OPRK1: variants seen among roughly 807,000 people sequenced by gnomAD.
OPRK1 encodes the protein kappa-type opioid receptor.
In OPRK1, 15 loss-of-function variants were observed where a neutral mutation model predicts 24.5. That is an observed-to-expected ratio of 0.61 (90% confidence interval 0.41 to 0.94). The LOEUF (loss-of-function observed/expected upper bound fraction) is 0.94, where lower values mean the gene tolerates loss of function less well. Ranked by LOEUF, OPRK1 falls within the 40% of genes least tolerant of loss-of-function variation. The pLI is 0.00. For synonymous variants in OPRK1, 205 were observed against 198.0 expected (o/e 1.04, Z -0.30); for missense variants, 479 against 507.3 (o/e 0.94, Z 0.54).
At chr8:53,245,838 T>C (rs538356273) in intron 2 of OPRK1, among the ~76,000 whole-genome samples, 4 of 152,254 alleles carry the variant, frequency 2.6e-5, no homozygotes, top group Admixed American at 6.5e-5. Flanking sequence ...GACCATCCTA[T>C]GTAATCTGAA....
chr8:53,240,605 A>G (rs973708031), intron 2 of OPRK1, among the ~76,000 whole-genome samples: 1 of 152,124 alleles, frequency 6.6e-6, no homozygotes, highest in Non-Finnish European at 1.5e-5. Flanking sequence ...TTTTCTCTGT[A>G]TTGCCAACAA....
At chr8:53,233,824 C>T (rs1404093394) in intron 3 of OPRK1, among the ~76,000 whole-genome samples, 2 of 152,112 alleles carry the variant, frequency 1.3e-5, no homozygotes, top group Admixed American at 6.5e-5. Flanking sequence ...GGGATGCAGG[C>T]AGCAGTGTTT....
intron 2 of OPRK1, among the ~76,000 whole-genome samples, chr8:53,239,018 T>C (rs1420206265): frequency 6.6e-6 from 1 of 152,146 alleles, no homozygotes; most frequent in African/African-American, 2.4e-5. Flanking sequence ...TTCATGACAA[T>C]AGTATAATAA....
chr8:53,234,644 C>T (rs1563327604), intron 3 of OPRK1, 115 bp downstream of exon 3: 1 of 865,572 alleles, frequency 1.2e-6, no homozygotes, highest in Non-Finnish European at 1.8e-6. Context: ...CACTACATTT[C>T]CGTCGTCTTT....
rs927116596 is a variant in OPRK1, at chr8:53,229,825, G to A, written c.615C>T (p.Val205=). 2.4e-5 allele frequency: 37 copies of A among 1,550,650 alleles called. No homozygotes were observed. Among genetic ancestry groups the A allele is most frequent in the Non-Finnish European group, 4.4e-6 (5 of 1,149,402 alleles). Residue 205 remains valine, a synonymous_variant, in exon 4 of 4, where the codon GTC becomes GTT. Transcript: ENST00000265572. ...VLGGTKVRED[V]DVIECSLQFP... Reference sequence around the variant, plus strand: ...ACTGCAAGGAGCACTCAATGACATCGACGTCTGGAGGAGGGCAATAAAAAC... The same window carrying A: ...ACTGCAAGGAGCACTCAATGACATCAACGTCTGGAGGAGGGCAATAAAAAC...
intron 2 of OPRK1, 61 bp from the exon 3 acceptor site, chr8:53,235,172 G>T: frequency 7.0e-7 from 1 of 1,422,370 alleles, no homozygotes; most frequent in Non-Finnish European, 9.7e-7. Flanking sequence ...TAAGGTGAAT[G>T]TGTTTGTGAT....
At chr8:53,241,180 A>T (rs181605584) in intron 2 of OPRK1, among the ~76,000 whole-genome samples, 11 of 152,278 alleles carry the variant, frequency 7.2e-5, no homozygotes, top group African/African-American at 2.6e-4. Context: ...TGAAGTTAAA[A>T]CTGCTTTTTT....
chr8:53,229,692 T>G lies in OPRK1; in HGVS notation c.748A>C (p.Ile250Leu). 6.2e-7 allele frequency: 1 copy of G among 1,613,994 alleles called. No individual in the cohort carries two copies. Among genetic ancestry groups the G allele is most frequent in the Non-Finnish European group, 8.5e-7 (1 of 1,180,006 alleles). ...LIIIVCYTLM[I>L]LRLKSVRLLS... ...AGCCGGACGCTCTTGAGACGCAGGA[T>G]CATCAGGGTGTAGCAGACGATGATG... Residue 250 changes from isoleucine to leucine, a missense_variant, in exon 4 of 4, where the codon ATC becomes CTC. Physicochemically the swap from Ile to Leu is conservative, Grantham distance 5. Coordinates refer to ENST00000265572, the MANE Select transcript of OPRK1 (RefSeq NM_000912.5).
chr8:53,248,142 A>G (rs16918941), intron 2 of OPRK1, among the ~76,000 whole-genome samples: 10,718 of 152,182 alleles, frequency 0.07, 386 homozygotes, highest in Middle Eastern at 0.14. Flanking sequence ...TGCCCTAATT[A>G]TCAAGGGATT....
At chr8:53,233,380 G>C (rs1806903016) in intron 3 of OPRK1, among the ~76,000 whole-genome samples, 1 of 152,110 alleles carries the variant, frequency 6.6e-6, no homozygotes, top group South Asian at 2.1e-4. Flanking sequence ...GGTCAGTTTT[G>C]CTGTGAACCT....
Position 53,250,987 on chromosome 8 carries a change from G to A in OPRK1, c.51C>T (p.Ala17=). The A allele has an allele frequency of 1.3e-6, 2 of 1,593,054 alleles. No individual in the cohort carries two copies. The highest frequency in any genetic ancestry group is 1.7e-6 in the Non-Finnish European group (2 of 1,170,824). The change falls in exon 2 of 4, where the codon GCC becomes GCT. Residue 17 remains alanine (A), a synonymous_variant. Coordinates refer to ENST00000265572, the MANE Select transcript of OPRK1 (RefSeq NM_000912.5). Reference sequence around the variant, plus strand: ...TGTTGGGGGGCAGGCAGGCGCTCGGGGCGCAGGTAGGGCCCGGCTCCCCGC... The same window carrying A: ...TGTTGGGGGGCAGGCAGGCGCTCGGAGCGCAGGTAGGGCCCGGCTCCCCGC... ...IFRGEPGPTC[A]PSACLPPNSS...
intron 3 of OPRK1, among the ~76,000 whole-genome samples, chr8:53,231,699 G>A (rs1415717575): frequency 6.6e-6 from 1 of 152,124 alleles, no homozygotes; most frequent in Admixed American, 6.5e-5. Flanking sequence ...GGTAGTACCT[G>A]GAACATGTGG....
At chr8:53,244,828 G>A (rs1447288625) in intron 2 of OPRK1, among the ~76,000 whole-genome samples, 1 of 152,116 alleles carries the variant, frequency 6.6e-6, no homozygotes, top group African/African-American at 2.4e-5. Flanking sequence ...TTCCTATGTT[G>A]GAGTCCTAAA....
intron 1 of OPRK1, 71 bp downstream of exon 1, chr8:53,251,377 G>A (rs1807395311): frequency 2.7e-6 from 1 of 369,344 alleles, no homozygotes; most frequent in Non-Finnish European, 4.9e-6. Flanking sequence ...GAGTCCCCAG[G>A]GTCAAGCCCC....
intron 2 of OPRK1, among the ~76,000 whole-genome samples, chr8:53,237,270 A>T (rs879905500): frequency 1.3e-5 from 2 of 152,224 alleles, no homozygotes; most frequent in Admixed American, 1.3e-4. Context: ...CCAGGACCTG[A>T]CACAAAGAAC....
intron 2 of OPRK1, among the ~76,000 whole-genome samples, chr8:53,243,365 G>A (rs1807158208): frequency 6.6e-6 from 1 of 152,320 alleles, no homozygotes; most frequent in East Asian, 1.9e-4. Flanking sequence ...CCAGTGAGAA[G>A]CAAATTCCTT....
At chr8:53,247,372 C>T (rs554281672) in intron 2 of OPRK1, among the ~76,000 whole-genome samples, 5 of 152,256 alleles carry the variant, frequency 3.3e-5, no homozygotes, top group East Asian at 1.9e-4. Context: ...CATCTTTCTG[C>T]GCTTTAGTTT....
intron 2 of OPRK1, among the ~76,000 whole-genome samples, chr8:53,244,658 AC>A (rs1273010749): frequency 6.6e-6 from 1 of 152,220 alleles, no homozygotes; most frequent in Non-Finnish European, 1.5e-5. Flanking sequence ...TTTTTTCTTG[AC>A]AAAATTTCCT....
rs1563325304 is a variant in OPRK1, at chr8:53,228,569, C to G, written c.*728G>C. 2.6e-5 allele frequency: 4 copies of G among 152,262 alleles called. No homozygotes were observed. The East Asian group carries it at 7.7e-4, about 29-fold the overall frequency. 9.4% of individuals were successfully genotyped at this position (152,262 alleles called of 1,614,324 possible). ...GTGGTATTCACACCACTTTATGTTT[C>G]TTGACAATGGGACATGCTTTATTAT... On this transcript the variant is annotated 3_prime_UTR_variant, in exon 4 of 4. Transcript: ENST00000265572.
Sources: gnomAD v4.1 joint callset for allele counts (sites outside exome capture counted in the v4.1 genomes callset) on GRCh38, gnomAD v4.1.1 for gene constraint, MANE v1.5 for transcripts, NCBI Gene and HGNC (gene_info 2026-07-23, HGNC 2026-07-21) for gene names.